Variants in ZNF680 observed in about 807,000 individuals in gnomAD.
ZNF680 encodes hypothetical protein FLJ90430.
Under a neutral mutation model 12.1 loss-of-function variants are expected in ZNF680, and 6 were observed. The ratio of observed to expected loss-of-function variants is 0.49; its 90% CI spans 0.27 to 0.98. ZNF680 has a LOEUF of 0.98. ZNF680 is among the 50% of genes least tolerant of loss of function. The pLI is 0.12. For missense variants in ZNF680, 561 were observed against 616.3 expected, an observed-to-expected ratio of 0.91 and a Z score of 0.95; for synonymous variants, 170 against 199.3, an observed-to-expected ratio of 0.85 and a Z score of 1.24.
chr7:64,524,241 G>A (rs974589792), intron 3 of ZNF680, among the ~76,000 whole-genome samples: 5 of 150,244 alleles, frequency 3.3e-5, no homozygotes, highest in Admixed American at 6.7e-5. Flanking sequence ...TCTGCCTTCC[G>A]GGTTCAAGCG....
At chr7:64,544,152 A>T in intron 2 of ZNF680, 154 bp downstream of exon 2, 1 of 1,171,222 alleles carries the variant, frequency 8.5e-7, no homozygotes, top group Non-Finnish European at 1.2e-6. Flanking sequence ...GTACTGAAGG[A>T]ATTTTTTTCT....
intron 1 of ZNF680, among the ~76,000 whole-genome samples, chr7:64,556,662 C>G (rs926707531): frequency 1.3e-5 from 2 of 151,924 alleles, no homozygotes; most frequent in African/African-American, 4.8e-5. Flanking sequence ...AAATGTAGAA[C>G]ATACAATTGT....
chr7:64,555,169 A>G (rs990107394), intron 1 of ZNF680, among the ~76,000 whole-genome samples: 3 of 152,146 alleles, frequency 2.0e-5, no homozygotes, highest in African/African-American at 7.2e-5. Flanking sequence ...CACTTGGACA[A>G]ACAGTCCTAC....
intron 1 of ZNF680, among the ~76,000 whole-genome samples, chr7:64,562,157 G>A (rs1440359679): frequency 7.4e-5 from 11 of 149,268 alleles, no homozygotes; most frequent in African/African-American, 2.2e-4. Flanking sequence ...ACTTGAACCC[G>A]GGAGGCAGAG....
chr7:64,535,808 G>A (rs930021084), intron 3 of ZNF680, among the ~76,000 whole-genome samples: 8 of 151,982 alleles, frequency 5.3e-5, no homozygotes, highest in African/African-American at 1.5e-4. Flanking sequence ...GCCAGGCATC[G>A]TAGCACACAC....
At chr7:64,549,720 C>T (rs938575520) in intron 1 of ZNF680, among the ~76,000 whole-genome samples, 2 of 151,780 alleles carry the variant, frequency 1.3e-5, no homozygotes, top group Non-Finnish European at 2.9e-5. Flanking sequence ...GTGGCTCACA[C>T]CTGTAATCCC....
chr7:64,557,230 G>A (rs556916779), intron 1 of ZNF680, among the ~76,000 whole-genome samples: 8 of 150,926 alleles, frequency 5.3e-5, no homozygotes, highest in Admixed American at 2.6e-4. Context: ...CAGACTGGGC[G>A]ACAGAGCGAG....
intron 1 of ZNF680, among the ~76,000 whole-genome samples, chr7:64,554,158 G>A (rs1201777158): frequency 3.3e-5 from 5 of 151,092 alleles, no homozygotes; most frequent in South Asian, 4.2e-4. Context: ...CTGCCCGGCC[G>A]CCCATCGTCT....
chr7:64,537,256 G>A (rs1315177112), intron 3 of ZNF680, among the ~76,000 whole-genome samples: 1 of 152,128 alleles, frequency 6.6e-6, no homozygotes, highest in Non-Finnish European at 1.5e-5. Flanking sequence ...GGAGGCCAAG[G>A]CAGAAGGATT....
At chr7:64,523,363 ACCAC>A (rs1243836454) in intron 3 of ZNF680, among the ~76,000 whole-genome samples, 3 of 152,048 alleles carry the variant, frequency 2.0e-5, no homozygotes, top group Non-Finnish European at 4.4e-5. Flanking sequence ...TCCCCAAGGT[ACCAC>A]AAAGAAAGTA....
Position 64,522,060 on chromosome 7 carries a change from G to C in ZNF680, c.694C>G (p.His232Asp). ...FSELIKHKGIHMGEKPYKCEE... is the reference protein window; with the variant it reads ...FSELIKHKGIDMGEKPYKCEE... ...CATTTGTAGGGTTTCTCTCCCATAT[G>C]AATTCCCTTATGTTTAATAAGCTCT... The change falls in exon 4 of 4, where the codon CAT becomes GAT. Residue 232 changes from histidine (H) to aspartate (D), a missense_variant. By Grantham distance (81) the His-to-Asp change is moderately conservative (BLOSUM62 -1). Transcript: ENST00000309683. 6.2e-7 allele frequency: 1 copy of C among 1,613,032 alleles called. No homozygotes were observed. Among genetic ancestry groups the C allele is most frequent in the Non-Finnish European group, 8.5e-7 (1 of 1,179,570 alleles).
chr7:64,529,317 C>G (rs1268862805), intron 3 of ZNF680, among the ~76,000 whole-genome samples: 1 of 152,146 alleles, frequency 6.6e-6, no homozygotes, highest in African/African-American at 2.4e-5. Context: ...GAAGGAATCC[C>G]TGTTTTACCT....
intron 1 of ZNF680, among the ~76,000 whole-genome samples, chr7:64,558,632 T>TA (rs1787551393): frequency 6.6e-6 from 1 of 152,160 alleles, no homozygotes; most frequent in African/African-American, 2.4e-5. Context: ...GGGAGGGTCT[T>TA]ACTGAAGATG....
chr7:64,508,148 A>C, the ZNF680 span, among the ~76,000 whole-genome samples: 317 of 95,334 alleles, frequency 3.3e-3, 7 homozygotes, highest in Non-Finnish European at 3.3e-3. Context: ...TATATACATA[A>C]TTTTTTTTTT....
chr7:64,534,640 AC>A (rs2116442547), intron 3 of ZNF680, among the ~76,000 whole-genome samples: 1 of 152,322 alleles, frequency 6.6e-6, no homozygotes, highest in South Asian at 2.1e-4. Flanking sequence ...CTACCATTTG[AC>A]CCAGCAATCC....
intron 1 of ZNF680, among the ~76,000 whole-genome samples, chr7:64,553,657 C>T (rs979213162): frequency 7.2e-5 from 11 of 152,238 alleles, no homozygotes; most frequent in East Asian, 3.8e-4. Context: ...ACTGTACTGC[C>T]GCCATCTCGG....
At chr7:64,525,926 G>A in intron 3 of ZNF680, 8 of 984,920 alleles carry the variant, frequency 8.1e-6, no homozygotes, top group Non-Finnish European at 9.6e-6. Flanking sequence ...GGTAAACACA[G>A]AGATCGTTAT....
intron 1 of ZNF680, among the ~76,000 whole-genome samples, chr7:64,549,114 C>T (rs764098481): frequency 4.0e-5 from 6 of 149,104 alleles, no homozygotes; most frequent in African/African-American, 4.9e-5. Context: ...GGTGAGACTC[C>T]GCCTCAAAAA....
At chr7:64,543,629 G>T in intron 3 of ZNF680, 78 bp downstream of exon 3, 2 of 1,268,936 alleles carry the variant, frequency 1.6e-6, no homozygotes, top group Non-Finnish European at 2.2e-6. Context: ...CAAATCCCAT[G>T]TCAAGAACTG....
Sources: allele counts gnomAD v4.1 joint callset (sites outside exome capture counted in the v4.1 genomes callset), GRCh38; gene constraint gnomAD v4.1.1; transcripts MANE v1.5; gene names NCBI Gene and HGNC (gene_info 2026-07-23, HGNC 2026-07-21).